RNGTT: variants seen among roughly 807,000 people sequenced by gnomAD.
The protein encoded by RNGTT is mRNA-capping enzyme.
A neutral mutation model predicts 79.3 loss-of-function variants in RNGTT; 33 were observed. The ratio of observed to expected loss-of-function variants is 0.42; its 90% confidence interval spans 0.32 to 0.56. The LOEUF is 0.56. Among genes scored for constraint, RNGTT ranks in the 20% least tolerant of loss-of-function variants. RNGTT has a pLI of 0.17. For missense variants in RNGTT, 497 were observed against 739.1 expected, an observed-to-expected ratio of 0.67 and a Z score of 3.80; for synonymous variants, 222 against 235.9, an observed-to-expected ratio of 0.94 and a Z score of 0.54.
At chr6:88,947,008 C>A (rs1785039667) in intron 1 of RNGTT, among the ~76,000 whole-genome samples, 1 of 53,852 alleles carries the variant, frequency 1.9e-5, no homozygotes, top group Non-Finnish European at 3.7e-5. Flanking sequence ...CTACACCTCC[C>A]AGCCGCCTGC....
At chr6:88,951,633 C>T (rs1034036167) in intron 1 of RNGTT, among the ~76,000 whole-genome samples, 5 of 152,184 alleles carry the variant, frequency 3.3e-5, no homozygotes, top group Non-Finnish European at 7.3e-5. Context: ...TCTGAACACA[C>T]ATTCCCCATT....
chr6:88,807,004 C>T (rs960121339), intron 11 of RNGTT, among the ~76,000 whole-genome samples: 7 of 152,166 alleles, frequency 4.6e-5, no homozygotes, highest in African/African-American at 1.7e-4. Flanking sequence ...AAAAACAAAA[C>T]ACTGAATGTC....
At chr6:88,716,629 A>G (rs1776524489) in intron 13 of RNGTT, among the ~76,000 whole-genome samples, 1 of 152,214 alleles carries the variant, frequency 6.6e-6, no homozygotes, top group African/African-American at 2.4e-5. Flanking sequence ...ATGGAATACT[A>G]TGCAGCCATA....
chr6:88,680,047 C>T lies in RNGTT; in HGVS notation c.1440-1628G>A, dbSNP rs188367524. Among the ~76,000 whole-genome samples the T allele has an allele frequency of 1.9e-3, 296 of 152,208 alleles. 4 individuals are homozygous for T. The highest frequency in any genetic ancestry group is 7.0e-3 in the African/African-American group (290 of 41,536). On this transcript the variant is annotated intron_variant, in intron 13 of 15. Coordinates refer to ENST00000369485, the MANE Select transcript of RNGTT (RefSeq NM_003800.5). ...CCATTGCATGAATCTGAGAATGGAA[C>T]ACTGTGTGGTATCTAGAGTCAAAAC...
At chr6:88,831,092 G>T (rs912991189) in intron 11 of RNGTT, among the ~76,000 whole-genome samples, 2 of 152,092 alleles carry the variant, frequency 1.3e-5, no homozygotes, top group Admixed American at 6.6e-5. Context: ...ATTTTATGAG[G>T]CCAGCATCAT....
At chr6:88,794,363 T>C (rs566537223) in intron 12 of RNGTT, among the ~76,000 whole-genome samples, 1 of 152,178 alleles carries the variant, frequency 6.6e-6, no homozygotes, top group Non-Finnish European at 1.5e-5. Context: ...CATATTCCTA[T>C]GCAGCAAGGA....
Position 88,611,067 on chromosome 6 carries a change from C to T in RNGTT, c.*1652G>A, listed in dbSNP as rs1772005245. The T allele has an allele frequency of 6.6e-6, 1 of 152,142 alleles. No individual in the cohort carries two copies. The highest frequency in any genetic ancestry group is 2.4e-5 in the African/African-American group (1 of 41,434). 9.4% of individuals were successfully genotyped at this position (152,142 alleles called of 1,614,324 possible). On this transcript the variant is annotated 3_prime_UTR_variant, in exon 16 of 16. Coordinates refer to ENST00000369485, the MANE Select transcript of RNGTT (RefSeq NM_003800.5). The stretch of plus-strand genomic sequence containing the variant: ...TTTAGCGCCCAAATGTGCAAAAACA[C>T]TCTAGTAAAAAACGTTACAATGGCG...
intron 4 of RNGTT, among the ~76,000 whole-genome samples, chr6:88,924,054 C>A (rs1784243191): frequency 6.6e-6 from 1 of 152,134 alleles, no homozygotes; most frequent in Non-Finnish European, 1.5e-5. Flanking sequence ...CCAAGGGCCA[C>A]CTCAATGCTG....
At chr6:88,766,164 T>G (rs1049241706) in intron 13 of RNGTT, among the ~76,000 whole-genome samples, 6 of 152,132 alleles carry the variant, frequency 3.9e-5, no homozygotes, top group Non-Finnish European at 7.4e-5. Flanking sequence ...CTTATTTTAT[T>G]GATGAAGAAC....
In RNGTT at chr6:88,667,302, C is replaced by T. The variant is rs896813359; in HGVS notation, c.1506+11051G>A. 5.9e-5 allele frequency among the ~76,000 whole-genome samples: 9 copies of T among 152,332 alleles called. No individual in the cohort carries two copies. In the South Asian group the frequency reaches 1.9e-3, roughly 32 times the overall value. On this transcript the variant is annotated intron_variant, in intron 14 of 15. Coordinates refer to ENST00000369485, the MANE Select transcript of RNGTT (RefSeq NM_003800.5). ...GCCATGCCACAGCTACTAGGGGCCA[C>T]AGTTGTGCTGGCTGTGCATGAGACC...
chr6:88,740,335 T>G (rs893697676), intron 13 of RNGTT, among the ~76,000 whole-genome samples: 1 of 151,848 alleles, frequency 6.6e-6, no homozygotes, highest in African/African-American at 2.4e-5. Context: ...ATGGACAACA[T>G]AGTAAGACCT....
At chr6:88,710,273 G>C (rs1776274177) in intron 13 of RNGTT, among the ~76,000 whole-genome samples, 1 of 152,150 alleles carries the variant, frequency 6.6e-6, no homozygotes, top group African/African-American at 2.4e-5. Flanking sequence ...ACTTCCAAAA[G>C]GGTCTGATCT....
intron 13 of RNGTT, among the ~76,000 whole-genome samples, chr6:88,716,126 A>C (rs1276455681): frequency 2.0e-5 from 3 of 151,320 alleles, no homozygotes; most frequent in African/African-American, 7.3e-5. Flanking sequence ...ACAAGAAAAA[A>C]ACAAACAACC....
intron 14 of RNGTT, among the ~76,000 whole-genome samples, chr6:88,660,159 C>T (rs1774126767): frequency 6.6e-6 from 1 of 152,064 alleles, no homozygotes; most frequent in South Asian, 2.1e-4. Context: ...AGTTCTAAAT[C>T]TTAAAACCTC....
At chr6:88,957,691 A>G (rs764131283) in intron 1 of RNGTT, among the ~76,000 whole-genome samples, 3 of 152,200 alleles carry the variant, frequency 2.0e-5, no homozygotes, top group Non-Finnish European at 4.4e-5. Flanking sequence ...AAAGATCTCT[A>G]AAAGGAAAAC....
At chr6:88,951,414 G>T (rs1329597687) in intron 1 of RNGTT, among the ~76,000 whole-genome samples, 1 of 152,122 alleles carries the variant, frequency 6.6e-6, no homozygotes, top group African/African-American at 2.4e-5. Context: ...TTCTACCATG[G>T]CTAAAGAAAG....
At chr6:88,719,141 C>T (rs758481079) in intron 13 of RNGTT, among the ~76,000 whole-genome samples, 1 of 152,114 alleles carries the variant, frequency 6.6e-6, no homozygotes, top group Non-Finnish European at 1.5e-5. Flanking sequence ...AATTCAATAG[C>T]CTTAGAGAGG....
At chr6:88,674,652 A>G (rs2127788000) in intron 14 of RNGTT, among the ~76,000 whole-genome samples, 1 of 152,320 alleles carries the variant, frequency 6.6e-6, no homozygotes, top group East Asian at 1.9e-4. Flanking sequence ...TTTTCAAAAC[A>G]TAAAAATATG....
At chr6:88,708,248 A>T (rs1776205902) in intron 13 of RNGTT, among the ~76,000 whole-genome samples, 1 of 152,092 alleles carries the variant, frequency 6.6e-6, no homozygotes, top group Non-Finnish European at 1.5e-5. Context: ...TTTCCATGCC[A>T]CAGGTGAAAC....
Sources: allele counts gnomAD v4.1 joint callset (sites outside exome capture counted in the v4.1 genomes callset), GRCh38; gene constraint gnomAD v4.1.1; transcripts MANE v1.5; gene names NCBI Gene and HGNC (gene_info 2026-07-23, HGNC 2026-07-21).